RANBP2: variants seen among roughly 807,000 people sequenced by gnomAD.
The protein encoded by RANBP2 is E3 SUMO-protein ligase RanBP2.
In RANBP2, 57 loss-of-function variants were observed where a neutral mutation model predicts 303.6. The ratio of observed to expected loss-of-function variants is 0.19; its 90% CI spans 0.15 to 0.23. RANBP2 has a LOEUF of 0.23. RANBP2 is among the 10% of genes least tolerant of loss of function. RANBP2 has a pLI of 1.00. For synonymous variants in RANBP2, 1,167 were observed against 1,301.5 expected, an observed-to-expected ratio of 0.90 and a Z score of 2.23; for missense variants, 3,138 against 3,780.8, an observed-to-expected ratio of 0.83 and a Z score of 4.46.
At chr2:109,145,699 G>A in the RANBP2 span, among the ~76,000 whole-genome samples, 1 of 152,128 alleles carries the variant, frequency 6.6e-6, no homozygotes, top group Non-Finnish European at 1.5e-5. Flanking sequence ...ACAGGTCTTG[G>A]GTGTTCTCAC....
chr2:109,198,200 A>G, the RANBP2 span, among the ~76,000 whole-genome samples: 2 of 152,208 alleles, frequency 1.3e-5, no homozygotes, highest in Non-Finnish European at 2.9e-5. Context: ...CCCTCAAGAC[A>G]TGGCCTGCAT....
chr2:108,819,327 C>T, the RANBP2 span, among the ~76,000 whole-genome samples: 1 of 152,292 alleles, frequency 6.6e-6, no homozygotes, highest in South Asian at 2.1e-4. Context: ...CTATTCCCTA[C>T]CGTCTCCCTT....
the RANBP2 span, among the ~76,000 whole-genome samples, chr2:109,436,510 A>G: frequency 2.6e-5 from 4 of 152,142 alleles, no homozygotes; most frequent in Non-Finnish European, 4.4e-5. Flanking sequence ...TCCTTTCCCC[A>G]ATGTGCTGGA....
the RANBP2 span, among the ~76,000 whole-genome samples, chr2:109,212,644 A>G: frequency 1.3e-5 from 2 of 152,224 alleles, no homozygotes; most frequent in South Asian, 2.1e-4. Context: ...TTTCTTCTCC[A>G]GATAGCAACC....
At chr2:108,924,484 C>T in the RANBP2 span, among the ~76,000 whole-genome samples, 1 of 152,244 alleles carries the variant, frequency 6.6e-6, no homozygotes, top group East Asian at 1.9e-4. Flanking sequence ...GCGGTGCCAA[C>T]ACTTTCCCTA....
chr2:109,272,953 C>T, the RANBP2 span, among the ~76,000 whole-genome samples: 5 of 152,222 alleles, frequency 3.3e-5, no homozygotes, highest in African/African-American at 1.2e-4. Flanking sequence ...ACAAAGGACC[C>T]GTATTTTTTC....
the RANBP2 span, among the ~76,000 whole-genome samples, chr2:109,516,347 T>A: frequency 6.6e-6 from 1 of 152,118 alleles, no homozygotes; most frequent in African/African-American, 2.4e-5. Context: ...ATCTGGAAAA[T>A]GTGGCCATGA....
chr2:108,907,105 G>C, the RANBP2 span, among the ~76,000 whole-genome samples: 1 of 152,240 alleles, frequency 6.6e-6, no homozygotes, highest in Non-Finnish European at 1.5e-5. Flanking sequence ...CCTGCTCCTG[G>C]CCACAGCACA....
the RANBP2 span, among the ~76,000 whole-genome samples, chr2:109,357,228 C>T: frequency 6.6e-6 from 1 of 151,830 alleles, no homozygotes; most frequent in Non-Finnish European, 1.5e-5. Context: ...GTCGCCCAGG[C>T]TGGAGTGCAG....
the RANBP2 span, among the ~76,000 whole-genome samples, chr2:109,121,434 A>G: frequency 6.6e-6 from 1 of 152,224 alleles, no homozygotes; most frequent in African/African-American, 2.4e-5. Flanking sequence ...CCTAGAAAAA[A>G]TACCTGCAAT....
At chr2:108,835,588 G>A in the RANBP2 span, among the ~76,000 whole-genome samples, 1 of 152,134 alleles carries the variant, frequency 6.6e-6, no homozygotes, top group South Asian at 2.1e-4. Context: ...CATATCACAA[G>A]ATTTGTAAAT....
the RANBP2 span, among the ~76,000 whole-genome samples, chr2:108,841,456 T>C: frequency 6.6e-6 from 1 of 152,194 alleles, no homozygotes; most frequent in Non-Finnish European, 1.5e-5. Flanking sequence ...AATTTATGAT[T>C]ATGTCTTGGT....
At chr2:109,196,104 A>C in the RANBP2 span, among the ~76,000 whole-genome samples, 1 of 152,186 alleles carries the variant, frequency 6.6e-6, no homozygotes, top group Non-Finnish European at 1.5e-5. Flanking sequence ...AGCCTCCTTT[A>C]ATGGGACGAG....
chr2:108,820,316 G>C, the RANBP2 span, among the ~76,000 whole-genome samples: 1 of 152,192 alleles, frequency 6.6e-6, no homozygotes, highest in African/African-American at 2.4e-5. Context: ...AGTGACGACA[G>C]TCTGAGGGAC....
chr2:108,946,870 C>T, the RANBP2 span, among the ~76,000 whole-genome samples: 48 of 150,088 alleles, frequency 3.2e-4, no homozygotes, highest in Admixed American at 2.5e-3. Context: ...AACCTTATTC[C>T]GCCCCTGGTC....
At chr2:109,475,124 C>T in the RANBP2 span, among the ~76,000 whole-genome samples, 2 of 152,116 alleles carry the variant, frequency 1.3e-5, no homozygotes, top group South Asian at 2.1e-4. Context: ...ACTACAGGTG[C>T]GCACCACCAC....
At chr2:108,792,299 T>G in the RANBP2 span, among the ~76,000 whole-genome samples, 1 of 152,216 alleles carries the variant, frequency 6.6e-6, no homozygotes, top group East Asian at 1.9e-4. Flanking sequence ...CAACATTCAT[T>G]TTCCTCTTTT....
the RANBP2 span, among the ~76,000 whole-genome samples, chr2:109,278,780 T>C: frequency 7.9e-5 from 12 of 152,342 alleles, no homozygotes; most frequent in South Asian, 2.1e-3. Flanking sequence ...AAACCCATGT[T>C]ACCCTTCACC....
the RANBP2 span, among the ~76,000 whole-genome samples, chr2:109,186,025 T>C: frequency 6.6e-6 from 1 of 152,236 alleles, no homozygotes; most frequent in Non-Finnish European, 1.5e-5. Context: ...TTTATTCCCT[T>C]AGTCACTGGG....
Sources: allele counts gnomAD v4.1 joint callset (sites outside exome capture counted in the v4.1 genomes callset), GRCh38; gene constraint gnomAD v4.1.1; transcripts MANE v1.5; gene names NCBI Gene and HGNC (gene_info 2026-07-23, HGNC 2026-07-21).